Variants in ZPBP observed in about 807,000 individuals in gnomAD.
ZPBP encodes the protein zona pellucida-binding protein 1.
In ZPBP, 26 loss-of-function variants were observed where a neutral mutation model predicts 44.8. The ratio of observed to expected loss-of-function variants is 0.58; its 90% CI spans 0.43 to 0.81. The LOEUF (loss-of-function observed/expected upper bound fraction) is 0.81, where lower values mean the gene tolerates loss of function less well. Among genes scored for constraint, ZPBP ranks in the 30% least tolerant of loss-of-function variants. The pLI is 0.00. For synonymous variants in ZPBP, 174 were observed against 153.2 expected (o/e 1.14, Z -1.00); for missense variants, 409 against 434.0 (o/e 0.94, Z 0.51).
intron 3 of ZPBP, among the ~76,000 whole-genome samples, chr7:50,063,598 CA>C (rs1415861067): frequency 1.3e-5 from 2 of 151,592 alleles, no homozygotes; most frequent in African/African-American, 4.8e-5. Flanking sequence ...GCTTGAGAAC[CA>C]TTTTTTTTTT....
rs748082755 is a variant in ZPBP, at chr7:50,018,288, G to T, written c.735C>A (p.Pro245=). The part of the protein sequence containing the change: ...SVSSLDTEKG[P]KRCTDHNCEP... ...CACAGTTATGGTCTGTACATCGCTT[G>T]GGTCCTTTTTCAGTGTCTAGAGATG... Residue 245 remains proline, a synonymous_variant, in exon 6 of 8, where the codon CCC becomes CCA. Coordinates refer to ENST00000046087, the MANE Select transcript of ZPBP (RefSeq NM_007009.3). The T allele has an allele frequency of 5.6e-6, 9 of 1,609,962 alleles. No homozygotes were observed. Among genetic ancestry groups the T allele is most frequent in the Non-Finnish European group, 7.6e-6 (9 of 1,178,568 alleles).
At position 49,872,520 on chromosome 7, in the gene ZPBP, G is replaced by A. The variant is rs557280756; in HGVS notation, n.510-22006C>T. Among the ~76,000 whole-genome samples, 17 of 151,184 alleles carry A rather than the reference G, an allele frequency of 1.1e-4. No individual in the cohort carries two copies. In the East Asian group the frequency reaches 2.7e-3, roughly 24 times the overall value. On this transcript the variant is annotated intron_variant and non_coding_transcript_variant, in intron 2 of 2. Coordinates refer to the ZPBP transcript ENST00000465922. ...CTGTGAGTAAGAATCTATGGCTTAC[G>A]GGGAATGAAAATTTTAAGATACACA...
chr7:49,851,191 T>A (rs898410973), intron 2 of ZPBP, among the ~76,000 whole-genome samples: 10 of 152,356 alleles, frequency 6.6e-5, no homozygotes, highest in Admixed American at 1.3e-4. Context: ...TGATGTGGTC[T>A]TCTTCTCTGT....
chr7:50,030,395 T>C (rs1160897879), intron 5 of ZPBP, among the ~76,000 whole-genome samples: 2 of 151,790 alleles, frequency 1.3e-5, no homozygotes, highest in African/African-American at 2.4e-5. Context: ...TGCCTCTCAA[T>C]TGTGCTTCTA....
chr7:49,888,875 C>T (rs1392220961), intron 2 of ZPBP, among the ~76,000 whole-genome samples: 1 of 152,052 alleles, frequency 6.6e-6, no homozygotes, highest in Non-Finnish European at 1.5e-5. Context: ...CGCACCATCA[C>T]AGTCTAGCCT....
At chr7:49,891,084 AAC>A (rs1393553157) in intron 2 of ZPBP, among the ~76,000 whole-genome samples, 23 of 152,244 alleles carry the variant, frequency 1.5e-4, no homozygotes, top group African/African-American at 5.5e-4. Context: ...AAGATTTTCA[AAC>A]ACAGTTTCTT....
At chr7:49,925,965 C>T (rs556426857) in intron 1 of ZPBP, among the ~76,000 whole-genome samples, 4 of 152,282 alleles carry the variant, frequency 2.6e-5, no homozygotes, top group South Asian at 2.1e-4. Flanking sequence ...GGTCTGTCAG[C>T]GAATGTAGCT....
chr7:49,896,991 G>C (rs1792418900), intron 2 of ZPBP, among the ~76,000 whole-genome samples: 2 of 150,328 alleles, frequency 1.3e-5, no homozygotes, highest in South Asian at 4.2e-4. Context: ...CGCTTCCCGG[G>C]TTCACGCCAT....
chr7:49,982,976 C>G (rs1402314511), intron 7 of ZPBP, among the ~76,000 whole-genome samples: 2 of 151,926 alleles, frequency 1.3e-5, no homozygotes, highest in Non-Finnish European at 2.9e-5. Context: ...GAAAAAGTCA[C>G]AAAGATATCT....
chr7:50,016,249 T>A (rs1169487646), intron 6 of ZPBP, among the ~76,000 whole-genome samples: 1 of 152,214 alleles, frequency 6.6e-6, no homozygotes, highest in Non-Finnish European at 1.5e-5. Flanking sequence ...AACTAAATTA[T>A]GTCCTTTGCA....
intron 3 of ZPBP, among the ~76,000 whole-genome samples, chr7:50,074,699 C>T (rs1364068318): frequency 6.6e-6 from 1 of 151,780 alleles, no homozygotes; most frequent in Non-Finnish European, 1.5e-5. Context: ...ATAAAGGGGT[C>T]AATTCAGCAA....
chr7:50,056,656 C>T lies in ZPBP; in HGVS notation c.487+1333G>A, dbSNP rs139010729. 2.8e-3 allele frequency among the ~76,000 whole-genome samples: 425 copies of T among 152,312 alleles called. 3 individuals carry two copies. The highest frequency in any genetic ancestry group is 9.5e-3 in the African/African-American group (394 of 41,570). Reference sequence around the variant, plus strand: ...ACTTGAGTTCAGGCTGTTCTCCTGGCTACTCCATATTGACAGAGCAGGAGC... The same window carrying T: ...ACTTGAGTTCAGGCTGTTCTCCTGGTTACTCCATATTGACAGAGCAGGAGC... On this transcript the variant is annotated intron_variant, in intron 4 of 7. Transcript: ENST00000046087.
At chr7:49,895,545 G>C (rs181150494) in intron 2 of ZPBP, among the ~76,000 whole-genome samples, 1 of 152,298 alleles carries the variant, frequency 6.6e-6, no homozygotes, top group Admixed American at 6.5e-5. Flanking sequence ...AGCTGTCCAT[G>C]AGGCAAGAAA....
At chr7:49,848,665 T>A (rs1790054994), downstream of ZPBP, among the ~76,000 whole-genome samples, 1 of 152,248 alleles carries the variant, frequency 6.6e-6, no homozygotes, top group African/African-American at 2.4e-5. Context: ...TCATTGACTG[T>A]CGTTTCTCAC....
chr7:50,076,182 A>G (rs1401838007), intron 3 of ZPBP, among the ~76,000 whole-genome samples: 1 of 151,404 alleles, frequency 6.6e-6, no homozygotes, highest in Non-Finnish European at 1.5e-5. Context: ...TTAAACTTCA[A>G]AATTGATGCT....
At chr7:50,046,589 C>T (rs185210890) in intron 4 of ZPBP, among the ~76,000 whole-genome samples, 11 of 152,060 alleles carry the variant, frequency 7.2e-5, no homozygotes, top group Admixed American at 2.0e-4. Context: ...TCAAAACCAC[C>T]GTAAGATACC....
At chr7:49,902,753 C>T (rs1356264438) in intron 1 of ZPBP, among the ~76,000 whole-genome samples, 1 of 151,960 alleles carries the variant, frequency 6.6e-6, no homozygotes. Flanking sequence ...AAAATTGATG[C>T]ATTTGATCGC....
intron 6 of ZPBP, among the ~76,000 whole-genome samples, chr7:50,006,123 A>C (rs1798300103): frequency 6.6e-6 from 1 of 151,952 alleles, no homozygotes. Flanking sequence ...TATACACCAA[A>C]CGTGAGAACG....
intron 5 of ZPBP, among the ~76,000 whole-genome samples, chr7:50,020,316 T>C (rs1444678217): frequency 6.6e-6 from 1 of 152,128 alleles, no homozygotes; most frequent in African/African-American, 2.4e-5. Context: ...GATCTACTAT[T>C]CATGAAACTA....
Sources: allele counts gnomAD v4.1 joint callset (sites outside exome capture counted in the v4.1 genomes callset), GRCh38; gene constraint gnomAD v4.1.1; transcripts MANE v1.5; gene names NCBI Gene and HGNC (gene_info 2026-07-23, HGNC 2026-07-21).